The following MACO1 variants were observed in gnomAD, a reference collection of about 807,000 sequenced individuals.
MACO1 encodes macoilin 1.
Under a neutral mutation model 78.7 loss-of-function variants are expected in MACO1, and 14 were observed. The observed-to-expected ratio is 0.18, with a 90% CI of 0.12 to 0.28. The LOEUF is 0.28. MACO1 is among the 10% of genes least tolerant of loss of function. The pLI, the probability that MACO1 is intolerant of heterozygous loss-of-function variation, is 1.00. For missense variants in MACO1, 501 were observed against 799.0 expected (o/e 0.63, Z 4.50); for synonymous variants, 288 against 291.6 (o/e 0.99, Z 0.12).
intron 6 of MACO1, among the ~76,000 whole-genome samples, chr1:25,464,535 G>A (rs2043199345): frequency 6.6e-6 from 1 of 151,684 alleles, no homozygotes. Context: ...GGTAGAGATG[G>A]GGTTTCGCTA....
chr1:25,456,189 C>T (rs1216191548), intron 4 of MACO1, among the ~76,000 whole-genome samples: 25 of 146,106 alleles, frequency 1.7e-4, no homozygotes, highest in African/African-American at 6.4e-4. Context: ...ACCCGAGAGG[C>T]GGAGGTTGCA....
chr1:25,480,682 T>C (rs1487516786), intron 6 of MACO1, among the ~76,000 whole-genome samples: 3 of 151,896 alleles, frequency 2.0e-5, no homozygotes, highest in Non-Finnish European at 2.9e-5. Flanking sequence ...ATACCAGCAC[T>C]TTAGGAGGCC....
Position 25,498,264 on chromosome 1 carries a change from G to A in MACO1, c.1793G>A (p.Gly598Glu). ...TAATGGTGGGTCTTTGATCTTACAG[G>A]ACAAATCCTTCAGAAAGATCAGGAA... ...DAKRQLEIAQ[G>E]QILQKDQEIK... is the part of the protein sequence containing the mutation. Residue 598 changes from glycine (G) to glutamate (E), a missense_variant and splice_region_variant, in exon 11 of 11, where the codon GGA becomes GAA. Physicochemically the swap from Gly to Glu is moderately conservative, Grantham distance 98. Around this residue, in one of 5 missense-constraint regions of MACO1, gnomAD observed 66 missense variants for 101.6 expected, o/e 0.65. Coordinates refer to ENST00000374343, the MANE Select transcript of MACO1 (RefSeq NM_018202.6). 6.2e-7 allele frequency: 1 copy of A among 1,614,102 alleles called. No homozygotes were observed. Among genetic ancestry groups the A allele is most frequent in the Non-Finnish European group, 8.5e-7 (1 of 1,179,998 alleles).
intron 1 of MACO1, among the ~76,000 whole-genome samples, chr1:25,435,945 G>A (rs971919311): frequency 3.3e-5 from 5 of 152,198 alleles, no homozygotes; most frequent in African/African-American, 1.2e-4. Context: ...AGTCTTGGCA[G>A]TTTAGTTTCA....
chr1:25,489,073 G>A, intron 8 of MACO1, 100 bp from the exon 9 acceptor site: 3 of 1,413,830 alleles, frequency 2.1e-6, no homozygotes, highest in African/African-American at 1.4e-5. Flanking sequence ...TGCCTGCCTC[G>A]GCCTCCCAAA....
intron 9 of MACO1, among the ~76,000 whole-genome samples, chr1:25,489,806 G>T (rs2043468417): frequency 6.6e-6 from 1 of 152,128 alleles, no homozygotes; most frequent in Admixed American, 6.5e-5. Context: ...ATATTGTAAA[G>T]TTACAGTAAT....
chr1:25,484,037 C>A, intron 6 of MACO1, 79 bp from the exon 7 acceptor site: 1 of 1,457,934 alleles, frequency 6.9e-7, no homozygotes, highest in South Asian at 1.4e-5. Context: ...ACCCAGCAGT[C>A]CAGGACCCCC....
At chr1:25,479,642 C>T (rs2043353457) in intron 6 of MACO1, among the ~76,000 whole-genome samples, 1 of 152,144 alleles carries the variant, frequency 6.6e-6, no homozygotes, top group Non-Finnish European at 1.5e-5. Flanking sequence ...CTCTTGACCT[C>T]AGATGATCTG....
At chr1:25,433,071 T>A (rs2124564624) in intron 1 of MACO1, among the ~76,000 whole-genome samples, 1 of 152,358 alleles carries the variant, frequency 6.6e-6, no homozygotes, top group African/African-American at 2.4e-5. Context: ...TGCAAAATTT[T>A]AAAAACCGAC....
intron 6 of MACO1, among the ~76,000 whole-genome samples, chr1:25,469,212 T>C (rs1297250032): frequency 6.6e-6 from 1 of 152,166 alleles, no homozygotes; most frequent in Non-Finnish European, 1.5e-5. Context: ...TAGAGAAATA[T>C]TTTTAGAGCA....
At chr1:25,440,540 A>T (rs1042706780) in intron 1 of MACO1, among the ~76,000 whole-genome samples, 2 of 152,070 alleles carry the variant, frequency 1.3e-5, no homozygotes, top group African/African-American at 2.4e-5. Flanking sequence ...AGGCCAAGGC[A>T]GGCGGATCAC....
intron 3 of MACO1, among the ~76,000 whole-genome samples, chr1:25,451,182 C>T (rs1467459226): frequency 6.6e-6 from 1 of 152,180 alleles, no homozygotes; most frequent in Non-Finnish European, 1.5e-5. Context: ...AAAAACTACT[C>T]TTATTGGGCT....
intron 6 of MACO1, among the ~76,000 whole-genome samples, chr1:25,480,929 A>AATATATATAT (rs202050214): frequency 4.4e-4 from 21 of 47,814 alleles, no homozygotes; most frequent in South Asian, 9.3e-4. Flanking sequence ...AAAAAAAAAA[A>AATATATATAT]ATATATATAT....
intron 1 of MACO1, among the ~76,000 whole-genome samples, chr1:25,437,416 C>G (rs141065698): frequency 2.7e-5 from 4 of 150,440 alleles, no homozygotes; most frequent in Admixed American, 1.3e-4. Context: ...CTTGACCTCT[C>G]AAAGTACTGG....
At chr1:25,433,007 C>T (rs913611601) in intron 1 of MACO1, among the ~76,000 whole-genome samples, 1 of 152,126 alleles carries the variant, frequency 6.6e-6, no homozygotes, top group Non-Finnish European at 1.5e-5. Context: ...TTTGAATTTT[C>T]TTACCCTAAA....
intron 8 of MACO1, 121 bp from the exon 9 acceptor site, chr1:25,489,052 C>A: frequency 7.9e-7 from 1 of 1,273,768 alleles, no homozygotes; most frequent in African/African-American, 1.5e-5. Context: ...AACCCCTGAC[C>A]TCAAATAATC....
At chr1:25,440,549 A>T (rs903481135) in intron 1 of MACO1, among the ~76,000 whole-genome samples, 3 of 152,128 alleles carry the variant, frequency 2.0e-5, no homozygotes, top group African/African-American at 7.2e-5. Flanking sequence ...CAGGCGGATC[A>T]CCTGAGGTCA....
intron 10 of MACO1, among the ~76,000 whole-genome samples, chr1:25,493,677 A>G (rs1383650584): frequency 2.0e-5 from 3 of 151,486 alleles, no homozygotes; most frequent in Non-Finnish European, 4.4e-5. Flanking sequence ...GCATTATTTT[A>G]CATTTAGCAG....
At chr1:25,495,697 C>T (rs1271539799) in intron 10 of MACO1, among the ~76,000 whole-genome samples, 1 of 152,224 alleles carries the variant, frequency 6.6e-6, no homozygotes, top group Non-Finnish European at 1.5e-5. Context: ...GGCGCGGTGG[C>T]TCACACCTGT....
Sources: allele counts gnomAD v4.1 joint callset (sites outside exome capture counted in the v4.1 genomes callset), GRCh38; gene constraint gnomAD v4.1.1; regional missense constraint gnomAD v4.1.1; transcripts MANE v1.5; gene names NCBI Gene and HGNC (gene_info 2026-07-23, HGNC 2026-07-21).